Variants in INPP5F observed in about 807,000 individuals in gnomAD.
INPP5F encodes inositol polyphosphate-5-phosphatase F.
INPP5F carries 97 observed loss-of-function variants against 137.2 expected under a neutral mutation model. That is an observed-to-expected ratio of 0.71 (90% CI 0.60 to 0.84). INPP5F has a LOEUF of 0.84. Ranked by LOEUF, INPP5F falls within the 40% of genes least tolerant of loss-of-function variation. The pLI is 0.00. For synonymous variants in INPP5F, 504 were observed against 476.9 expected (o/e 1.06, Z -0.74); for missense variants, 1,271 against 1,371.9 (o/e 0.93, Z 1.16).
intron 2 of INPP5F, among the ~76,000 whole-genome samples, chr10:119,765,572 G>A (rs890346503): frequency 6.7e-6 from 1 of 149,460 alleles, no homozygotes; most frequent in African/African-American, 2.5e-5. Context: ...TGTAGAGATG[G>A]GGTTTTGCTA....
chr10:119,740,768 C>A (rs923966897), intron 1 of INPP5F, among the ~76,000 whole-genome samples: 3 of 152,156 alleles, frequency 2.0e-5, no homozygotes, highest in Non-Finnish European at 4.4e-5. Context: ...GTCTCAAACT[C>A]CTGACCTCAT....
At chr10:119,823,973 AG>A (rs1336573516) in intron 19 of INPP5F, 71 bp downstream of exon 19, 1 of 1,131,740 alleles carries the variant, frequency 8.8e-7, no homozygotes, top group African/African-American at 1.5e-5. Flanking sequence ...AATTATTTGC[AG>A]GGGGAAAGGG....
At chr10:119,730,848 C>T (rs1848041439) in intron 1 of INPP5F, among the ~76,000 whole-genome samples, 2 of 151,324 alleles carry the variant, frequency 1.3e-5, no homozygotes, top group South Asian at 2.1e-4. Flanking sequence ...AGTGCAGTGG[C>T]GTGATCTTGG....
intron 2 of INPP5F, among the ~76,000 whole-genome samples, chr10:119,763,576 C>T (rs1182058464): frequency 6.6e-6 from 1 of 152,238 alleles, no homozygotes; most frequent in African/African-American, 2.4e-5. Flanking sequence ...TTTCATCTCA[C>T]ACTGGCTGTT....
intron 9 of INPP5F, among the ~76,000 whole-genome samples, chr10:119,799,735 A>G (rs753796587): frequency 1.3e-4 from 20 of 152,332 alleles, no homozygotes; most frequent in Middle Eastern, 3.4e-3. Flanking sequence ...TATCTATCCT[A>G]TATACCCTAT....
chr10:119,821,968 A>G (rs758282950), intron 16 of INPP5F, among the ~76,000 whole-genome samples: 3 of 145,568 alleles, frequency 2.1e-5, no homozygotes, highest in Non-Finnish European at 3.0e-5. Flanking sequence ...TCTCGGGTTC[A>G]AGTGATTCTC....
chr10:119,793,043 G>T (rs2134208910), intron 6 of INPP5F, among the ~76,000 whole-genome samples: 1 of 152,160 alleles, frequency 6.6e-6, no homozygotes, highest in East Asian at 1.9e-4. Flanking sequence ...TCTTACCTCT[G>T]TTTGCAATGC....
chr10:119,736,526 G>C (rs1305627091), intron 1 of INPP5F, among the ~76,000 whole-genome samples: 1 of 152,182 alleles, frequency 6.6e-6, no homozygotes, highest in African/African-American at 2.4e-5. Flanking sequence ...ATACAGTTAA[G>C]TCTATACCTT....
chr10:119,774,123 A>G (rs1473367874), intron 2 of INPP5F, among the ~76,000 whole-genome samples: 1 of 151,870 alleles, frequency 6.6e-6, no homozygotes, highest in African/African-American at 2.4e-5. Context: ...TTAGCTAGGC[A>G]TGGTGGCGTG....
chr10:119,775,282 A>G (rs879513704), intron 2 of INPP5F, among the ~76,000 whole-genome samples: 2 of 152,130 alleles, frequency 1.3e-5, no homozygotes, highest in Non-Finnish European at 2.9e-5. Flanking sequence ...TTGAGGCAGC[A>G]TCTCTCATTC....
At position 119,781,735 on chromosome 10, in the gene INPP5F, A is replaced by G. The variant is rs1377507882; in HGVS notation, c.279A>G (p.Ser93=). 79 of 1,609,808 alleles carry G rather than the reference A, an allele frequency of 4.9e-5. No individual in the cohort carries two copies. Among genetic ancestry groups the G allele is most frequent in the Non-Finnish European group, 6.5e-5 (76 of 1,176,966 alleles). Residue 93 remains serine, a synonymous_variant, in exon 3 of 20, where the codon TCA becomes TCG. Coordinates refer to ENST00000650623, the MANE Select transcript of INPP5F (RefSeq NM_014937.4). ...VCKVTKIAVL[S]LSEMEPQDLE... is the part of the protein sequence containing the mutation. ...AAGTTACCAAAATTGCTGTGCTCTC[A>G]CTTTCTGAAATGGAACCTCAGGATC...
intron 8 of INPP5F, among the ~76,000 whole-genome samples, chr10:119,798,103 C>T (rs1428295387): frequency 2.7e-5 from 4 of 146,756 alleles, no homozygotes; most frequent in Non-Finnish European, 6.0e-5. Context: ...TAACTTTGGT[C>T]TTGGAATAGC....
At chr10:119,763,696 T>G (rs1161358606) in intron 2 of INPP5F, among the ~76,000 whole-genome samples, 1 of 152,228 alleles carries the variant, frequency 6.6e-6, no homozygotes, top group Non-Finnish European at 1.5e-5. Flanking sequence ...TTTTAAAAAT[T>G]TCCATAGTCT....
chr10:119,731,091 C>T (rs1285583277), intron 1 of INPP5F, among the ~76,000 whole-genome samples: 1 of 151,974 alleles, frequency 6.6e-6, no homozygotes, highest in Non-Finnish European at 1.5e-5. Context: ...CTGGCCTGAA[C>T]AATTTTTTGA....
chr10:119,814,356 C>T (rs1851174702), intron 15 of INPP5F: 1 of 152,144 alleles, frequency 6.6e-6, no homozygotes, highest in Non-Finnish European at 1.5e-5. Context: ...CATTGCACCC[C>T]AACCTAGGTG....
chr10:119,795,701 C>T (rs1027396770), intron 6 of INPP5F, among the ~76,000 whole-genome samples: 3 of 152,136 alleles, frequency 2.0e-5, no homozygotes, highest in South Asian at 2.1e-4. Flanking sequence ...GCTGCAATCT[C>T]GGCACTTTGG....
rs1348484267 is a variant in INPP5F, at chr10:119,823,206, A to AGAG, written c.2161+10_2161+12dup. 6.2e-7 allele frequency: 1 copy of AGAG among 1,610,528 alleles called. No homozygotes were observed. Among genetic ancestry groups the AGAG allele is most frequent in the Admixed American group, 1.7e-5 (1 of 59,280 alleles). ...CCTGAAGAGGATGGAAAAGGTAAAA[A>AGAG]GAGGAAGAGATGAAAGTATTCAGTG... On this transcript the variant is annotated splice_region_variant and intron_variant, in intron 18 of 19. Transcript: ENST00000650623.
intron 9 of INPP5F, among the ~76,000 whole-genome samples, chr10:119,801,823 A>G (rs1049770040): frequency 2.0e-5 from 3 of 152,338 alleles, no homozygotes; most frequent in African/African-American, 4.8e-5. Flanking sequence ...CAATTATAAA[A>G]CAAAACAATA....
chr10:119,761,581 G>T (rs1456715879), intron 2 of INPP5F, among the ~76,000 whole-genome samples: 2 of 144,302 alleles, frequency 1.4e-5, no homozygotes, highest in Non-Finnish European at 3.0e-5. Flanking sequence ...TCTTAATGTA[G>T]TTTTTTTTTT....
Sources: allele counts gnomAD v4.1 joint callset (sites outside exome capture counted in the v4.1 genomes callset), GRCh38; gene constraint gnomAD v4.1.1; transcripts MANE v1.5; gene names NCBI Gene and HGNC (gene_info 2026-07-23, HGNC 2026-07-21).